Variants in LRRTM4 observed in about 807,000 individuals in gnomAD.
LRRTM4 encodes the protein leucine-rich repeat transmembrane neuronal protein 4.
LRRTM4 carries 25 observed loss-of-function variants against 47.6 expected under a neutral mutation model. The observed-to-expected ratio is 0.53, with a 90% CI of 0.38 to 0.73. LRRTM4 has a LOEUF of 0.73. Among genes scored for constraint, LRRTM4 ranks in the 30% least tolerant of loss-of-function variants. The pLI is 0.00. For synonymous variants in LRRTM4, 311 were observed against 269.5 expected, an observed-to-expected ratio of 1.15 and a Z score of -1.51; for missense variants, 638 against 713.4, an observed-to-expected ratio of 0.89 and a Z score of 1.20.
chr2:77,104,030 A>G (rs1671029307), intron 3 of LRRTM4, among the ~76,000 whole-genome samples: 1 of 152,194 alleles, frequency 6.6e-6, no homozygotes, highest in African/African-American at 2.4e-5. Flanking sequence ...GACATTACTA[A>G]CAAGATCAAA....
At chr2:76,904,334 T>G (rs1293717171) in intron 3 of LRRTM4, among the ~76,000 whole-genome samples, 1 of 152,198 alleles carries the variant, frequency 6.6e-6, no homozygotes, top group South Asian at 2.1e-4. Flanking sequence ...CACACCAGAT[T>G]TGATTCAGAG....
intron 3 of LRRTM4, among the ~76,000 whole-genome samples, chr2:76,835,091 A>T (rs919950851): frequency 1.2e-4 from 19 of 152,100 alleles, no homozygotes; most frequent in African/African-American, 4.6e-4. Flanking sequence ...TTTCTAATTT[A>T]TTCTTTGTGC....
intron 3 of LRRTM4, among the ~76,000 whole-genome samples, chr2:77,202,582 G>T (rs1674007791): frequency 6.6e-6 from 1 of 151,508 alleles, no homozygotes; most frequent in Non-Finnish European, 1.5e-5. Context: ...AGCCTAAGAA[G>T]GCTGAGGCCT....
chr2:77,226,291 C>T (rs968033921), intron 3 of LRRTM4, among the ~76,000 whole-genome samples: 11 of 151,652 alleles, frequency 7.3e-5, no homozygotes, highest in African/African-American at 2.7e-4. Context: ...AAGATGAGCA[C>T]AGGTACGGTC....
At chr2:77,092,784 A>C (rs1011343748) in intron 3 of LRRTM4, among the ~76,000 whole-genome samples, 56 of 143,778 alleles carry the variant, frequency 3.9e-4, no homozygotes, top group South Asian at 6.5e-4. Flanking sequence ...CTGATAACAG[A>C]TGAGCCTTTA....
intron 3 of LRRTM4, among the ~76,000 whole-genome samples, chr2:77,268,242 C>T (rs768352915): frequency 6.6e-6 from 1 of 152,074 alleles, no homozygotes; most frequent in South Asian, 2.1e-4. Flanking sequence ...CTTCAATACC[C>T]ATCGTATTCC....
chr2:77,136,049 G>A (rs1671930083), intron 3 of LRRTM4, among the ~76,000 whole-genome samples: 1 of 152,160 alleles, frequency 6.6e-6, no homozygotes, highest in Non-Finnish European at 1.5e-5. Context: ...AATAGGAACA[G>A]CTTCAGTCTA....
intron 3 of LRRTM4, among the ~76,000 whole-genome samples, chr2:77,386,482 T>C (rs1182614603): frequency 6.6e-6 from 1 of 152,154 alleles, no homozygotes; most frequent in Non-Finnish European, 1.5e-5. Context: ...TACTCCATGG[T>C]GTGTATGTGC....
chr2:76,897,585 A>C (rs10184698), intron 3 of LRRTM4, among the ~76,000 whole-genome samples: 4,042 of 152,242 alleles, frequency 0.027, 181 homozygotes, highest in African/African-American at 0.093. Context: ...AGGAGTCTCA[A>C]ATCCTTAGGC....
intron 3 of LRRTM4, among the ~76,000 whole-genome samples, chr2:77,400,555 C>T (rs76901631): frequency 0.015 from 2,209 of 151,952 alleles, 43 homozygotes; most frequent in African/African-American, 0.049. Context: ...TATTTCTCCA[C>T]AGATTAGTCT....
chr2:77,059,455 G>T (rs571932638), intron 3 of LRRTM4, among the ~76,000 whole-genome samples: 1 of 148,170 alleles, frequency 6.7e-6, no homozygotes, highest in Admixed American at 6.6e-5. Flanking sequence ...CTTATATTTG[G>T]CCTAGAGTCA....
intron 3 of LRRTM4, among the ~76,000 whole-genome samples, chr2:76,786,874 T>G (rs532941539): frequency 6.8e-6 from 1 of 147,552 alleles, no homozygotes; most frequent in South Asian, 2.1e-4. Flanking sequence ...GTGCTAATAA[T>G]AGCATCAAAA....
chr2:77,426,182 T>A, intron 3 of LRRTM4, among the ~76,000 whole-genome samples: 1 of 151,866 alleles, frequency 6.6e-6, no homozygotes, highest in East Asian at 1.9e-4. Flanking sequence ...TAATCAAAAA[T>A]TCTCTTGAAT....
intron 3 of LRRTM4, among the ~76,000 whole-genome samples, chr2:76,813,871 G>A (rs1670820324): frequency 6.6e-6 from 1 of 151,606 alleles, no homozygotes; most frequent in Admixed American, 6.6e-5. Context: ...TAATGCACTG[G>A]TATTACATTG....
intron 3 of LRRTM4, among the ~76,000 whole-genome samples, chr2:77,392,272 C>T (rs377231959): frequency 6.6e-6 from 1 of 151,908 alleles, no homozygotes; most frequent in Non-Finnish European, 1.5e-5. Context: ...ACACCTATGA[C>T]CTGGAAGCCC....
chr2:76,985,626 T>C (rs1676767847), intron 3 of LRRTM4, among the ~76,000 whole-genome samples: 1 of 152,034 alleles, frequency 6.6e-6, no homozygotes, highest in South Asian at 2.1e-4. Context: ...TCTTGCCGCA[T>C]GATTTGAAGT....
chr2:77,517,543 G>A (rs1679256517), intron 3 of LRRTM4: 1 of 984,858 alleles, frequency 1.0e-6, no homozygotes, highest in Non-Finnish European at 1.2e-6. Context: ...TGGAATTGAA[G>A]TTTCATTCTG....
At chr2:77,059,536 C>A (rs1679718337) in intron 3 of LRRTM4, among the ~76,000 whole-genome samples, 1 of 152,090 alleles carries the variant, frequency 6.6e-6, no homozygotes, top group Non-Finnish European at 1.5e-5. Context: ...TGTGCCTGAC[C>A]AGCATAATTT....
At chr2:77,040,987 T>C (rs1020348800) in intron 3 of LRRTM4, among the ~76,000 whole-genome samples, 2 of 151,434 alleles carry the variant, frequency 1.3e-5, no homozygotes, top group Non-Finnish European at 3.0e-5. Context: ...ATTATAATTA[T>C]AGTCATCCTA....
Sources: allele counts gnomAD v4.1 joint callset (sites outside exome capture counted in the v4.1 genomes callset), GRCh38; gene constraint gnomAD v4.1.1; transcripts MANE v1.5; gene names NCBI Gene and HGNC (gene_info 2026-07-23, HGNC 2026-07-21).